RASGRP1: variants seen among roughly 807,000 people sequenced by gnomAD.
The protein encoded by RASGRP1 is RAS guanyl-releasing protein 1.
Under a neutral mutation model 95.1 loss-of-function variants are expected in RASGRP1, and 37 were observed. The ratio of observed to expected loss-of-function variants is 0.39; its 90% CI spans 0.30 to 0.51. The LOEUF (loss-of-function observed/expected upper bound fraction) is 0.51. RASGRP1 is among the 20% of genes least tolerant of loss of function. RASGRP1 has a pLI of 0.80. For missense variants in RASGRP1, 711 were observed against 965.4 expected, an observed-to-expected ratio of 0.74 and a Z score of 3.49; for synonymous variants, 325 against 353.4, an observed-to-expected ratio of 0.92 and a Z score of 0.90.
chr15:38,500,175 T>C (rs765806654), intron 13 of RASGRP1, 36 bp from the exon 14 acceptor site: 1 of 1,607,890 alleles, frequency 6.2e-7, no homozygotes, highest in South Asian at 1.1e-5. Context: ...CACATGTCAT[T>C]CATCCATCTG....
intron 16 of RASGRP1, 122 bp downstream of exon 16, chr15:38,494,260 C>CT: frequency 1.5e-6 from 2 of 1,309,122 alleles, no homozygotes. Flanking sequence ...TCCCCTCCTC[C>CT]TTTTTTGTTT....
At position 38,557,714 on chromosome 15, in the gene RASGRP1, C is replaced by T. The variant is rs1893627612; in HGVS notation, c.220+2107G>A. On this transcript the variant is annotated intron_variant, in intron 2 of 16. Coordinates refer to ENST00000310803, the MANE Select transcript of RASGRP1 (RefSeq NM_005739.4). ...AAGGGAGAGTTTGGTCGCTGTAATT[C>T]TTCTTGAGCACTGCCTAGCACAGTG... Among the ~76,000 whole-genome samples, 2 of 151,434 alleles carry T rather than the reference C, an allele frequency of 1.3e-5. 1 individual carries two copies. The highest frequency in any genetic ancestry group is 4.2e-4 in the South Asian group (2 of 4,796).
At chr15:38,539,014 A>T (rs1438439001) in intron 2 of RASGRP1, among the ~76,000 whole-genome samples, 1 of 152,164 alleles carries the variant, frequency 6.6e-6, no homozygotes, top group African/African-American at 2.4e-5. Flanking sequence ...ACGTTGCCTC[A>T]TCTGAGCCTC....
chr15:38,554,047 T>C (rs1005725904), intron 2 of RASGRP1, among the ~76,000 whole-genome samples: 2 of 152,236 alleles, frequency 1.3e-5, no homozygotes, highest in Admixed American at 1.3e-4. Flanking sequence ...AACCAGTGAC[T>C]GCTGGCTGAA....
rs186861468 is a variant in RASGRP1 at position 38,492,444 on chromosome 15, G to A, written c.2260-1756C>T. On this transcript the variant is annotated intron_variant, in intron 16 of 16. Transcript: ENST00000310803. The stretch of plus-strand genomic sequence containing the variant: ...CAATGCAGGGAATCCTGAAGCCCTC[G>A]TGGACAGTTTTTCAGTCTGTAGAAT... Among the ~76,000 whole-genome samples the A allele has an allele frequency of 1.2e-3, 188 of 152,264 alleles. 1 individual carries two copies. Among genetic ancestry groups the A allele is most frequent in the Middle Eastern group, 3.4e-3 (1 of 294 alleles).
intron 2 of RASGRP1, among the ~76,000 whole-genome samples, chr15:38,542,899 A>G (rs1049817647): frequency 1.4e-5 from 2 of 144,870 alleles, no homozygotes; most frequent in African/African-American, 5.0e-5. Context: ...ATATGTGTAT[A>G]TATATACACA....
intron 3 of RASGRP1, among the ~76,000 whole-genome samples, chr15:38,520,318 C>A (rs1891953386): frequency 6.6e-6 from 1 of 152,156 alleles, no homozygotes; most frequent in East Asian, 1.9e-4. Flanking sequence ...ATCCAGTGAA[C>A]AACCCAGCAA....
At chr15:38,526,116 AC>A (rs1483763031) in intron 3 of RASGRP1, among the ~76,000 whole-genome samples, 182 bp downstream of exon 3, 2 of 152,054 alleles carry the variant, frequency 1.3e-5, no homozygotes, top group African/African-American at 4.8e-5. Context: ...ACATTGCCCC[AC>A]CCAACAGAGG....
At chr15:38,542,842 T>TATATATGTGTATATATATACAC (rs1435114412) in intron 2 of RASGRP1, among the ~76,000 whole-genome samples, 337 of 115,142 alleles carry the variant, frequency 2.9e-3, no homozygotes, top group African/African-American at 9.6e-3. Context: ...TGTGTATATA[T>TATATATGTGTATATATATACAC]ATATATGTGT....
At chr15:38,497,352 A>G (rs1890834731) in intron 15 of RASGRP1, among the ~76,000 whole-genome samples, 1 of 151,010 alleles carries the variant, frequency 6.6e-6, no homozygotes, top group African/African-American at 2.4e-5. Flanking sequence ...AGACTGTCTC[A>G]TTTTTCTACT....
At chr15:38,549,606 T>C (rs1167569399) in intron 2 of RASGRP1, among the ~76,000 whole-genome samples, 1 of 152,082 alleles carries the variant, frequency 6.6e-6, no homozygotes, top group Non-Finnish European at 1.5e-5. Context: ...ACTGCCTTAC[T>C]TTTCTGGTGA....
At chr15:38,509,383 T>C (rs929516975) in intron 8 of RASGRP1, among the ~76,000 whole-genome samples, 1 of 152,136 alleles carries the variant, frequency 6.6e-6, no homozygotes, top group Non-Finnish European at 1.5e-5. Context: ...AAGAATGGAA[T>C]GGGATGGCTT....
At chr15:38,554,891 C>T (rs1368607515) in intron 2 of RASGRP1, among the ~76,000 whole-genome samples, 1 of 152,198 alleles carries the variant, frequency 6.6e-6, no homozygotes, top group Admixed American at 6.5e-5. Flanking sequence ...ACAGGGCCTG[C>T]CATCAACAGT....
chr15:38,537,992 G>T (rs542321304), intron 2 of RASGRP1, among the ~76,000 whole-genome samples: 2 of 152,166 alleles, frequency 1.3e-5, no homozygotes, highest in Non-Finnish European at 2.9e-5. Context: ...GGCTGGGCAC[G>T]GTGGCTCATG....
At chr15:38,539,673 A>G (rs1892791058) in intron 2 of RASGRP1, among the ~76,000 whole-genome samples, 1 of 151,796 alleles carries the variant, frequency 6.6e-6, no homozygotes. Flanking sequence ...CGCACCCACT[A>G]ACTCGTCATC....
chr15:38,517,524 A>G (rs1891836168), intron 5 of RASGRP1, among the ~76,000 whole-genome samples: 1 of 152,166 alleles, frequency 6.6e-6, no homozygotes, highest in African/African-American at 2.4e-5. Context: ...ACAGGACCTC[A>G]GAGGCTAGCT....
At chr15:38,555,104 G>T (rs1339641111) in intron 2 of RASGRP1, among the ~76,000 whole-genome samples, 3 of 152,208 alleles carry the variant, frequency 2.0e-5, no homozygotes, top group African/African-American at 7.2e-5. Flanking sequence ...TTACGGAGAG[G>T]GCTATGGCCC....
At chr15:38,555,364 G>A (rs1893511948) in intron 2 of RASGRP1, among the ~76,000 whole-genome samples, 2 of 152,140 alleles carry the variant, frequency 1.3e-5, no homozygotes, top group African/African-American at 2.4e-5. Context: ...ATATAGATTG[G>A]GTGCAATCAA....
chr15:38,519,253 T>TCACCTTTCATTTCACCTTGCTC, intron 4 of RASGRP1, 56 bp downstream of exon 4: 1 of 1,436,414 alleles, frequency 7.0e-7, no homozygotes, highest in South Asian at 1.2e-5. Context: ...GTCCCTTGCT[T>TCACCTTTCATTTCACCTTGCTC]CACCTTTCAT....
Sources: allele counts gnomAD v4.1 joint callset (sites outside exome capture counted in the v4.1 genomes callset), GRCh38; gene constraint gnomAD v4.1.1; transcripts MANE v1.5; gene names NCBI Gene and HGNC (gene_info 2026-07-23, HGNC 2026-07-21).